The following SUN1 variants were observed in gnomAD, a reference collection of about 807,000 sequenced individuals.
SUN1 encodes SUN domain-containing protein 1.
SUN1 carries 61 observed loss-of-function variants against 103.2 expected under a neutral mutation model. The observed-to-expected ratio is 0.59, with a 90% CI of 0.48 to 0.73. The LOEUF is 0.73. Ranked by LOEUF, SUN1 falls within the 30% of genes least tolerant of loss-of-function variation. The pLI, the probability that SUN1 is intolerant of heterozygous loss-of-function variation, is 0.00. For missense variants in SUN1, 1,052 were observed against 1,034.6 expected, an observed-to-expected ratio of 1.02 and a Z score of -0.23; for synonymous variants, 490 against 425.7, an observed-to-expected ratio of 1.15 and a Z score of -1.86.
At chr7:864,715 G>C (rs1209898699) in intron 15 of SUN1, among the ~76,000 whole-genome samples, 2 of 28,050 alleles carry the variant, frequency 7.1e-5, no homozygotes, top group Non-Finnish European at 1.6e-4. Context: ...CGCAACCTCT[G>C]CCTCCCGGCT....
In SUN1 at chr7:843,778, C is replaced by T. The variant is rs182582103; in HGVS notation, c.658+258C>T. The stretch of plus-strand genomic sequence containing the variant: ...TGACGTGAGCAAAAGAAAATTTCTA[C>T]GTAAGCGAAACTAATAAAACTACAG... On this transcript the variant is annotated intron_variant, in intron 5 of 18. Transcript: ENST00000401592. The T allele has an allele frequency of 2.3e-5, 33 of 1,423,244 alleles. No homozygotes were observed. The Middle Eastern group carries it at 7.3e-4, about 32-fold the overall frequency. 88.2% of individuals were successfully genotyped at this position (1,423,244 alleles called of 1,614,324 possible). A position where few individuals can be genotyped will look rare whatever the true frequency, so the allele number is the denominator to read the frequency against.
At position 856,361 on chromosome 7, in the gene SUN1, A is replaced by G. The variant is rs1402307073; in HGVS notation, c.1354A>G (p.Ile452Val). The G allele has an allele frequency of 2.5e-6, 4 of 1,614,030 alleles. No individual in the cohort carries two copies. Among genetic ancestry groups the G allele is most frequent in the African/African-American group, 2.7e-5 (2 of 74,924 alleles). ...GACTATTTCTCATACTTTTTAGGCC[A>G]TCCAGAAGGAACTAGAACAGACCAA... is the stretch of plus-strand genomic sequence containing the variant. ...LGKLREKSEAIQKELEQTKQK... is the reference protein window; with the variant it reads ...LGKLREKSEAVQKELEQTKQK... Residue 452 changes from isoleucine to valine, a missense_variant, in exon 12 of 19, where the codon ATC (isoleucine) becomes GTC (valine). Ile to Val is a conservative substitution (Grantham distance 29). This residue lies in a region of SUN1 where 846 missense variants were observed against 774.5 expected (regional missense o/e 1.09). Coordinates refer to ENST00000401592, the MANE Select transcript of SUN1 (RefSeq NM_001130965.3).
intron 12 of SUN1, among the ~76,000 whole-genome samples, chr7:856,656 T>C (rs7791653): frequency 0.16 from 24,546 of 152,210 alleles, 2,104 homozygotes; most frequent in South Asian, 0.24. Flanking sequence ...TCCGCGCCCC[T>C]GCTGTGACCC....
chr7:866,103 C>T (rs1265521186), intron 16 of SUN1, 36 bp downstream of exon 16: 1 of 1,572,068 alleles, frequency 6.4e-7, no homozygotes, highest in Non-Finnish European at 8.8e-7. Flanking sequence ...TGCTCCTCTT[C>T]AGCATGGACT....
At position 843,691 on chromosome 7, in the gene SUN1, T is replaced by C. The variant is rs953910072; in HGVS notation, c.658+171T>C. On this transcript the variant is annotated intron_variant, in intron 5 of 18. Transcript: ENST00000401592. ...TTGTCCTTCCTGTCCTCTTCTAGTTTACATTTTATGTGGTTAGTAATTTTG... is the reference window on the plus strand; with the variant it reads ...TTGTCCTTCCTGTCCTCTTCTAGTTCACATTTTATGTGGTTAGTAATTTTG... The C allele has an allele frequency of 4.8e-6, 7 of 1,453,976 alleles. No homozygotes were observed. The Admixed American group carries it at 9.2e-5, about 19-fold the overall frequency. The allele number at this position is 1,453,976 out of a possible 1,614,324, so 90.1% of individuals were successfully genotyped here.
At chr7:852,737 AAAAT>A (rs2128394825) in intron 8 of SUN1, 69 bp from the exon 9 acceptor site, 1 of 1,613,580 alleles carries the variant, frequency 6.2e-7, no homozygotes, top group East Asian at 2.2e-5. Flanking sequence ...TTAGTGGAAA[AAAAT>A]GAGCGTGTAA....
Position 869,144 on chromosome 7 carries a change from TATACAAC to T in SUN1, c.1981-201_1981-195del, listed in dbSNP as rs1213879450. 17 of 628,188 alleles carry T rather than the reference TATACAAC, an allele frequency of 2.7e-5. No homozygotes were observed. In the Admixed American group the frequency reaches 4.6e-4, roughly 17 times the overall value. The allele number at this position is 628,188 out of a possible 1,614,324, so 38.9% of individuals were successfully genotyped here. ...TTAAGGTTCTGGTCGTTTTAACTTTTATACAACATATGGGTTGGAGATAGTGGCCCTC... is the reference window on the plus strand; with the variant it reads ...TTAAGGTTCTGGTCGTTTTAACTTTTATATGGGTTGGAGATAGTGGCCCTC... On this transcript the variant is annotated intron_variant, in intron 16 of 18. Coordinates refer to ENST00000401592, the MANE Select transcript of SUN1 (RefSeq NM_001130965.3).
chr7:854,932 G>A lies in SUN1; in HGVS notation c.1276G>A (p.Ala426Thr). The change falls in exon 11 of 19, where the codon GCC (alanine) becomes ACC (threonine). Residue 426 changes from alanine (A) to threonine (T), a missense_variant. Transcript: ENST00000401592. The part of the protein sequence containing the change: ...GQPPRETDFM[A>T]FHQEHEVRMS... ...TCTCTTTCCTAAGACTGACTTTATG[G>A]CCTTTCACCAAGAACATGAAGTGCG... 2.5e-6 allele frequency: 4 copies of A among 1,612,556 alleles called. No homozygotes were observed. The highest frequency in any genetic ancestry group is 3.4e-6 in the Non-Finnish European group (4 of 1,179,348).
rs1419607032 is a variant in SUN1, at chr7:841,800, G to A, written c.267-146G>A. ...AAATTCCTTTTTTATATTAACAGTTGATTCATTACAGCAGAAAAGGCATAG... is the reference window on the plus strand; with the variant it reads ...AAATTCCTTTTTTATATTAACAGTTAATTCATTACAGCAGAAAAGGCATAG... On this transcript the variant is annotated intron_variant, in intron 2 of 18. Transcript: ENST00000401592. 1.3e-5 allele frequency: 10 copies of A among 775,886 alleles called. No homozygotes were observed. The Admixed American group carries it at 2.9e-4, about 23-fold the overall frequency. The allele number at this position is 775,886 out of a possible 1,614,324, so 48.1% of individuals were successfully genotyped here.
At chr7:853,729 GGGTT>G in intron 10 of SUN1, 111 bp downstream of exon 10, 1 of 1,242,656 alleles carries the variant, frequency 8.0e-7, no homozygotes, top group Non-Finnish European at 1.1e-6. Context: ...TTGTGAAAAG[GGGTT>G]GCCCTTTCTG....
chr7:822,971 C>T (rs1787765009), intron 1 of SUN1, among the ~76,000 whole-genome samples: 1 of 152,112 alleles, frequency 6.6e-6, no homozygotes, highest in Non-Finnish European at 1.5e-5. Flanking sequence ...CACACACACA[C>T]GGCCCTGTGG....
chr7:824,866 G>C (rs62432907), intron 1 of SUN1, among the ~76,000 whole-genome samples: 164 of 152,062 alleles, frequency 1.1e-3, no homozygotes, highest in Non-Finnish European at 1.7e-3. Flanking sequence ...GGTGCGGGGT[G>C]GGGGCGTCCG....
At chr7:852,724 A>G in intron 8 of SUN1, 57 bp downstream of exon 8, 1 of 1,613,728 alleles carries the variant, frequency 6.2e-7, no homozygotes, top group Admixed American at 1.7e-5. Flanking sequence ...ACATATGTGT[A>G]ACTTAGTGGA....
At chr7:818,311 C>T (rs1338447087) in intron 1 of SUN1, among the ~76,000 whole-genome samples, 1 of 152,214 alleles carries the variant, frequency 6.6e-6, no homozygotes, top group Non-Finnish European at 1.5e-5. Flanking sequence ...TGTGTCTGGC[C>T]TCTTTCACTT....
chr7:846,610 C>T (rs1449206130), intron 5 of SUN1, among the ~76,000 whole-genome samples: 2 of 152,102 alleles, frequency 1.3e-5, no homozygotes, highest in Non-Finnish European at 2.9e-5. Flanking sequence ...TACTGTGGCT[C>T]ATGCCTGTAA....
At chr7:863,546 T>C (rs1833957473) in intron 15 of SUN1, among the ~76,000 whole-genome samples, 1 of 152,236 alleles carries the variant, frequency 6.6e-6, no homozygotes. Context: ...CGTTTTTAAA[T>C]GTACAGCTCC....
In SUN1 at chr7:856,444, G is replaced by A. The variant is rs1314386562; in HGVS notation, c.1394+43G>A. 3 of 1,610,564 alleles carry A rather than the reference G, an allele frequency of 1.9e-6. No individual in the cohort carries two copies. In the South Asian group the frequency reaches 3.3e-5, roughly 18 times the overall value. On this transcript the variant is annotated intron_variant, in intron 12 of 18. Transcript: ENST00000401592. ...ACATTCACTTTTGTCTTCGGTGTGT[G>A]TGTGTGGTTATGTGGAGCGGCAGCA...
chr7:864,367 G>A (rs1562799359), intron 15 of SUN1, among the ~76,000 whole-genome samples: 1 of 151,860 alleles, frequency 6.6e-6, no homozygotes, highest in Non-Finnish European at 1.5e-5. Context: ...GACCAACATA[G>A]AGAAACCCCG....
rs1562623023 is a variant in SUN1, at chr7:843,193, T to C, written c.452-13T>C. 1.9e-6 allele frequency: 1 copy of C among 515,786 alleles called. No individual in the cohort carries two copies. Among genetic ancestry groups the C allele is most frequent in the East Asian group, 5.9e-5 (1 of 16,884 alleles). The allele number at this position is 515,786 out of a possible 1,614,324, so 32.0% of individuals were successfully genotyped here. A position where few individuals can be genotyped will look rare whatever the true frequency, so the allele number is the denominator to read the frequency against. On this transcript the variant is annotated splice_polypyrimidine_tract_variant and intron_variant, in intron 3 of 18. Transcript: ENST00000401592. ...CAGCAAAAATGTGTGTGTGTGTGTG[T>C]TTTTTTTTTTAGGTCTTGATGATGA...
Sources: gnomAD v4.1 joint callset for allele counts (sites outside exome capture counted in the v4.1 genomes callset) on GRCh38, gnomAD v4.1.1 for gene constraint, gnomAD v4.1.1 regional missense constraint, MANE v1.5 for transcripts, NCBI Gene and HGNC (gene_info 2026-07-23, HGNC 2026-07-21) for gene names.